Variants in IGSF10 observed in about 807,000 individuals in gnomAD.
IGSF10 encodes the protein calvaria mechanical force protein 608.
IGSF10 carries 126 observed loss-of-function variants against 128.2 expected under a neutral mutation model. The ratio of observed to expected loss-of-function variants is 0.98; its 90% CI spans 0.85 to 1.14. IGSF10 has a LOEUF of 1.14. IGSF10 is among the 50% of genes most tolerant of loss of function. The pLI is 0.00. For synonymous variants in IGSF10, 1,185 were observed against 1,146.2 expected (o/e 1.03, Z -0.68); for missense variants, 3,295 against 3,149.8 (o/e 1.05, Z -1.10).
the IGSF10 span, among the ~76,000 whole-genome samples, chr3:151,539,822 T>A: frequency 3.3e-5 from 5 of 150,186 alleles, no homozygotes; most frequent in South Asian, 8.4e-4. Context: ...CTATCATCTA[T>A]CTGTATCTAT....
chr3:151,508,732 T>C, the IGSF10 span, among the ~76,000 whole-genome samples: 1 of 152,272 alleles, frequency 6.6e-6, no homozygotes, highest in African/African-American at 2.4e-5. Context: ...AGAGGGCCCA[T>C]GGAGCATCCA....
At chr3:151,460,845 G>C in intron 1 of IGSF10, 101 bp downstream of exon 1, 1 of 665,602 alleles carries the variant, frequency 1.5e-6, no homozygotes, top group Non-Finnish European at 1.9e-6. Flanking sequence ...CCGCCCCAGC[G>C]CCCGCTTCTG....
intron 4 of IGSF10, among the ~76,000 whole-genome samples, chr3:151,455,947 C>T (rs182046245): frequency 6.6e-6 from 1 of 152,298 alleles, no homozygotes; most frequent in Admixed American, 6.5e-5. Flanking sequence ...GTCGAGAATG[C>T]TTCTCTAGAA....
At chr3:151,521,145 A>C in the IGSF10 span, among the ~76,000 whole-genome samples, 1 of 151,958 alleles carries the variant, frequency 6.6e-6, no homozygotes, top group Non-Finnish European at 1.5e-5. Flanking sequence ...GGCATTACAT[A>C]ATGGTAAAGG....
At chr3:151,481,918 C>T in the IGSF10 span, among the ~76,000 whole-genome samples, 1 of 152,262 alleles carries the variant, frequency 6.6e-6, no homozygotes, top group Non-Finnish European at 1.5e-5. Context: ...ACTGAGTCAC[C>T]CTCAGTCATC....
downstream of IGSF10, chr3:151,434,563 T>TATC (rs1317952955): frequency 3.3e-5 from 5 of 152,256 alleles, no homozygotes; most frequent in African/African-American, 9.6e-5. Flanking sequence ...TGGTTTTGTA[T>TATC]ATCAGATTTT....
rs1263569584 is a variant in IGSF10 at position 151,437,993 on chromosome 3, A to G, written c.6568T>C (p.Tyr2190His). Reference sequence around the variant, plus strand: ...AAAGACCCATTGGCATGAAATGTGTACCTATCAATGGAGAAGGAAATCATG... The same window carrying G: ...AAAGACCCATTGGCATGAAATGTGTGCCTATCAATGGAGAAGGAAATCATG... ...NDMISFSIDR[Y>H]TFHANGSLTI... is the part of the protein sequence containing the mutation. The change falls in exon 8 of 8, where the codon TAC becomes CAC. Residue 2190 changes from tyrosine (Y) to histidine (H), a missense_variant. Transcript: ENST00000282466. The G allele has an allele frequency of 6.2e-7, 1 of 1,614,192 alleles. No individual in the cohort carries two copies. The highest frequency in any genetic ancestry group is 1.7e-5 in the Admixed American group (1 of 60,034).
At chr3:151,454,586 GT>G (rs143402800) in intron 4 of IGSF10, among the ~76,000 whole-genome samples, 14 of 149,882 alleles carry the variant, frequency 9.3e-5, no homozygotes, top group African/African-American at 2.9e-4. Context: ...TTTTTATAAG[GT>G]TTTTTTTTTA....
the IGSF10 span, among the ~76,000 whole-genome samples, chr3:151,526,106 A>G: frequency 1.5e-4 from 23 of 152,210 alleles, no homozygotes; most frequent in Non-Finnish European, 2.5e-4. Context: ...CTAGCACATA[A>G]CCATGATACT....
At chr3:151,505,249 A>G in the IGSF10 span, among the ~76,000 whole-genome samples, 121,067 of 152,194 alleles carry the variant, frequency 0.8, 48,294 homozygotes, top group Middle Eastern at 0.9. Flanking sequence ...ATGGTGGAAA[A>G]GGAAGCAAAC....
At chr3:151,587,156 C>T in the IGSF10 span, among the ~76,000 whole-genome samples, 1 of 152,080 alleles carries the variant, frequency 6.6e-6, no homozygotes, top group Admixed American at 6.6e-5. Context: ...ATCCATGCAG[C>T]CTCTCTATAT....
rs1721622408 is a variant in IGSF10 at position 151,453,575 on chromosome 3, G to C, written c.524C>G (p.Ser175Cys). The C allele has an allele frequency of 1.9e-6, 3 of 1,613,962 alleles. No individual in the cohort carries two copies. Among genetic ancestry groups the C allele is most frequent in the Middle Eastern group, 3.3e-4 (2 of 6,062 alleles). ...TTTAAATATCTGGAGGTAGCTCAAA[G>C]AGACAAATGTATCTGGGTGGAGCTT... ...LTKLHPDTFVSLSYLQIFKIS... is the reference protein window; with the variant it reads ...LTKLHPDTFVCLSYLQIFKIS... Residue 175 changes from serine to cysteine, a missense_variant, in exon 5 of 8, where the codon TCT (serine) becomes TGT (cysteine). Physicochemically the swap from Ser to Cys is moderately radical, Grantham distance 112 (BLOSUM62 -1). Coordinates refer to ENST00000282466, the MANE Select transcript of IGSF10 (RefSeq NM_178822.5).
At chr3:151,598,446 C>G in the IGSF10 span, among the ~76,000 whole-genome samples, 3 of 152,172 alleles carry the variant, frequency 2.0e-5, no homozygotes, top group Non-Finnish European at 4.4e-5. Flanking sequence ...CCCCCAAATG[C>G]AGTCATCTGT....
chr3:151,481,388 G>T, the IGSF10 span, among the ~76,000 whole-genome samples: 1 of 152,166 alleles, frequency 6.6e-6, no homozygotes, highest in Non-Finnish European at 1.5e-5. Flanking sequence ...GGTCCATGTT[G>T]CTGCTGCTGC....
At chr3:151,558,350 T>C in the IGSF10 span, among the ~76,000 whole-genome samples, 2,316 of 152,064 alleles carry the variant, frequency 0.015, 18 homozygotes, top group South Asian at 0.057. Flanking sequence ...TCGCTTCAGG[T>C]TGGCTTTACT....
the IGSF10 span, among the ~76,000 whole-genome samples, chr3:151,576,935 G>A: frequency 4.1e-4 from 60 of 147,570 alleles, 2 homozygotes; most frequent in South Asian, 0.012. Context: ...CTCTACCTAT[G>A]GAGAAGCCCC....
At chr3:151,477,633 T>C in the IGSF10 span, among the ~76,000 whole-genome samples, 1 of 152,208 alleles carries the variant, frequency 6.6e-6, no homozygotes, top group African/African-American at 2.4e-5. Flanking sequence ...GTAAAAAGGA[T>C]TCCAAAAATC....
chr3:151,526,146 G>A, the IGSF10 span, among the ~76,000 whole-genome samples: 1 of 152,164 alleles, frequency 6.6e-6, no homozygotes, highest in Non-Finnish European at 1.5e-5. Flanking sequence ...AACTGAAAGG[G>A]AAAAGTTTGA....
the IGSF10 span, among the ~76,000 whole-genome samples, chr3:151,614,689 G>C: frequency 0.01 from 1,578 of 152,018 alleles, 26 homozygotes; most frequent in African/African-American, 0.033. Flanking sequence ...GGAGAGGGGG[G>C]AGGGATAGCA....
Sources: allele counts gnomAD v4.1 joint callset (sites outside exome capture counted in the v4.1 genomes callset), GRCh38; gene constraint gnomAD v4.1.1; transcripts MANE v1.5; gene names NCBI Gene and HGNC (gene_info 2026-07-23, HGNC 2026-07-21).